The following STS variants were observed in gnomAD, a reference collection of about 807,000 sequenced individuals.
STS encodes steroid sulfatase.
A neutral mutation model predicts 26.8 loss-of-function variants in STS; 7 were observed. The observed-to-expected ratio is 0.26, with a 90% confidence interval of 0.15 to 0.49. The LOEUF (loss-of-function observed/expected upper bound fraction) is 0.49, where lower values mean the gene tolerates loss of function less well. Among genes scored for constraint, STS ranks in the 20% least tolerant of loss-of-function variants. STS has a pLI of 0.98. For missense variants in STS, 434 were observed against 465.6 expected (o/e 0.93, Z 0.63); for synonymous variants, 199 against 189.4 (o/e 1.05, Z -0.42).
intron 2 of STS, among the ~76,000 whole-genome samples, chrX:7,233,323 A>T (rs1286236420): frequency 9.1e-6 from 1 of 110,054 alleles, no homozygotes; most frequent in Non-Finnish European, 1.9e-5. Flanking sequence ...TGAACTCCTG[A>T]CCTCAAGTGA....
intron 2 of STS, among the ~76,000 whole-genome samples, chrX:7,241,897 T>C (rs1285630169): frequency 1.8e-5 from 2 of 111,903 alleles, no homozygotes; most frequent in African/African-American, 6.5e-5. Context: ...CAGGCAGGAC[T>C]TAGTTCCTTG....
chrX:7,248,171 C>A (rs2024159), intron 2 of STS, among the ~76,000 whole-genome samples: 29,032 of 111,250 alleles, frequency 0.26, 2,937 homozygotes, highest in Admixed American at 0.42. Context: ...TCTTTGCAAA[C>A]TGTCAATTCA....
At chrX:7,321,283 GAA>G (rs1174379599) in intron 8 of STS, among the ~76,000 whole-genome samples, 9 of 111,400 alleles carry the variant, frequency 8.1e-5, no homozygotes, top group African/African-American at 2.6e-4. Context: ...AGAGTGGAGG[GAA>G]AGAGGAGGAG....
intron 8 of STS, among the ~76,000 whole-genome samples, chrX:7,317,470 T>G (rs2075317312): frequency 9.0e-6 from 1 of 110,934 alleles, no homozygotes; most frequent in Non-Finnish European, 1.9e-5. Context: ...TTTGTTTGTT[T>G]GTTTGTTTGT....
At chrX:7,182,198 T>A (rs113687947) in intron 1 of STS, among the ~76,000 whole-genome samples, 6 of 111,990 alleles carry the variant, frequency 5.4e-5, no homozygotes, top group African/African-American at 1.9e-4. Context: ...AGGCACTTAC[T>A]AATTCATCCC....
chrX:7,216,972 C>A (rs1921334733), intron 2 of STS, among the ~76,000 whole-genome samples: 1 of 111,172 alleles, frequency 9.0e-6, no homozygotes, highest in Admixed American at 9.6e-5. Context: ...GGTGCAGGGA[C>A]CACAGCAATG....
At chrX:7,295,787 G>A (rs777536594) in intron 7 of STS, among the ~76,000 whole-genome samples, 2 of 111,133 alleles carry the variant, frequency 1.8e-5, no homozygotes, top group African/African-American at 3.3e-5. Context: ...GCAAACTGAA[G>A]GTTGCATGGA....
chrX:7,200,333 C>T (rs965977161), intron 2 of STS, among the ~76,000 whole-genome samples: 9 of 111,039 alleles, frequency 8.1e-5, no homozygotes, highest in African/African-American at 2.6e-4. Flanking sequence ...TCAGACATGT[C>T]GGAAATTTTG....
intron 2 of STS, among the ~76,000 whole-genome samples, chrX:7,197,039 CT>C (rs1424604319): frequency 1.8e-5 from 2 of 110,680 alleles, no homozygotes; most frequent in African/African-American, 6.6e-5. Context: ...CTGCCTCCCC[CT>C]GGCTTTCTTT....
intron 1 of STS, among the ~76,000 whole-genome samples, chrX:7,151,837 C>T (rs768730314): frequency 8.9e-6 from 1 of 111,989 alleles, no homozygotes; most frequent in Non-Finnish European, 1.9e-5. Context: ...ACCAACTCAG[C>T]ATCTGCCTTT....
intron 2 of STS, among the ~76,000 whole-genome samples, chrX:7,203,764 A>G (rs1601648346): frequency 9.1e-6 from 1 of 110,424 alleles, no homozygotes; most frequent in Non-Finnish European, 1.9e-5. Flanking sequence ...TGAAACATAC[A>G]TATCCATATG....
intron 8 of STS, among the ~76,000 whole-genome samples, chrX:7,309,863 T>C (rs1270339443): frequency 1.8e-5 from 2 of 111,794 alleles, no homozygotes; most frequent in Non-Finnish European, 3.8e-5. Context: ...TGTTCTAGCA[T>C]AAAGGGAAAT....
chrX:7,174,461 A>G (rs913123852), intron 1 of STS, among the ~76,000 whole-genome samples: 2 of 111,799 alleles, frequency 1.8e-5, no homozygotes, highest in African/African-American at 6.5e-5. Context: ...AATAACAGAC[A>G]TATTTACTCA....
rs1234522580 is a variant in STS, at chrX:7,150,962, A to G, written c.-134+2879A>G. On this transcript the variant is annotated intron_variant, in intron 1 of 10. Transcript: ENST00000674429. ...ACTTTTGTACAGTTGTGTTCTCCCC[A>G]TGGGACAATAACTTACTTTTCCTGA... Among the ~76,000 whole-genome samples the G allele has an allele frequency of 3.6e-5, 4 of 112,266 alleles. No individual in the cohort carries two copies. The East Asian group carries it at 1.1e-3, about 31-fold the overall frequency.
At chrX:7,344,308 G>A (rs943113876) in intron 10 of STS, among the ~76,000 whole-genome samples, 1 of 111,594 alleles carries the variant, frequency 9.0e-6, no homozygotes, top group East Asian at 2.8e-4. Context: ...GTGGATTCTA[G>A]ACTGTGGAGC....
At position 7,178,561 on chromosome X, in the gene STS, G is replaced by A. The variant is rs377517156; in HGVS notation, c.-133-12319G>A. On this transcript the variant is annotated intron_variant, in intron 1 of 10. Transcript: ENST00000674429. The stretch of plus-strand genomic sequence containing the variant: ...TTGCTTGGGTTCCTCTCTCCACTCC[G>A]AAAACATTCTCAAGGGCTGAGCTCC... Among the ~76,000 whole-genome samples, 8 of 111,484 alleles carry A rather than the reference G, an allele frequency of 7.2e-5. No individual in the cohort carries two copies. In the South Asian group the frequency reaches 2.3e-3, roughly 32 times the overall value.
intron 6 of STS, among the ~76,000 whole-genome samples, chrX:7,272,217 C>CATATATATATATATATATAT (rs372911748): frequency 6.9e-4 from 65 of 94,024 alleles, no homozygotes; most frequent in African/African-American, 1.6e-3. Flanking sequence ...AATTTAATTA[C>CATATATATATATATATATAT]ATATATATAT....
At chrX:7,202,912 C>T (rs780297175) in intron 2 of STS, among the ~76,000 whole-genome samples, 2 of 110,849 alleles carry the variant, frequency 1.8e-5, no homozygotes, top group Admixed American at 1.9e-4. Flanking sequence ...CTCTGTGTGT[C>T]TCTCTGTGTC....
chrX:7,204,634 C>G (rs995852729), intron 2 of STS, among the ~76,000 whole-genome samples: 3 of 103,496 alleles, frequency 2.9e-5, no homozygotes, highest in African/African-American at 1.1e-4. Flanking sequence ...TTCCCTCCCT[C>G]TCTTCCTTTT....
Sources: allele counts gnomAD v4.1 joint callset (sites outside exome capture counted in the v4.1 genomes callset), GRCh38; gene constraint gnomAD v4.1.1; transcripts MANE v1.5; gene names NCBI Gene and HGNC (gene_info 2026-07-23, HGNC 2026-07-21).